Variants in NPEPL1 observed in about 807,000 individuals in gnomAD.
NPEPL1 encodes the protein probable aminopeptidase NPEPL1.
NPEPL1 carries 45 observed loss-of-function variants against 52.4 expected under a neutral mutation model. The observed-to-expected ratio is 0.86, with a 90% CI of 0.68 to 1.10. The LOEUF (loss-of-function observed/expected upper bound fraction) is 1.10, where lower values mean the gene tolerates loss of function less well. Ranked by LOEUF, NPEPL1 falls within the 50% of genes least tolerant of loss-of-function variation. The pLI, the probability that NPEPL1 is intolerant of heterozygous loss-of-function variation, is 0.00. For synonymous variants in NPEPL1, 360 were observed against 314.7 expected, an observed-to-expected ratio of 1.14 and a Z score of -1.52; for missense variants, 696 against 710.9, an observed-to-expected ratio of 0.98 and a Z score of 0.24.
chr20:58,694,288 G>A (rs1300679821), intron 2 of NPEPL1, 134 bp from the exon 3 acceptor site: 16 of 877,796 alleles, frequency 1.8e-5, no homozygotes, highest in Admixed American at 5.4e-5. Flanking sequence ...ATGGGGTGGC[G>A]GCTGCTGTGG....
At position 58,699,289 on chromosome 20, in the gene NPEPL1, G is replaced by T; in HGVS notation, c.679+11G>T. ...CGAGAGGATTTGGAGGTGGGTGGGG[G>T]CTGCATCCCTGCAGCTCTTGGCCTC... On this transcript the variant is annotated intron_variant, in intron 5 of 11. Transcript: ENST00000356091. 1 of 1,598,132 alleles carries T rather than the reference G, an allele frequency of 6.3e-7. No homozygotes were observed. Among genetic ancestry groups the T allele is most frequent in the Non-Finnish European group, 8.5e-7 (1 of 1,171,640 alleles).
upstream of NPEPL1, chr20:58,691,630 TG>T: frequency 1.5e-6 from 1 of 660,468 alleles, no homozygotes; most frequent in Non-Finnish European, 2.6e-6. Context: ...GGGAGGTCAG[TG>T]GTGGAAAACC....
chr20:58,711,084 C>T (rs1216406243), intron 7 of NPEPL1: 84 of 107,388 alleles, frequency 7.8e-4, no homozygotes, highest in African/African-American at 4.1e-3. Context: ...CCTCCCCCCC[C>T]GCCTCCTCTC....
chr20:58,698,652 C>A (rs760828504), intron 3 of NPEPL1, 32 bp from the exon 4 acceptor site: 1 of 1,584,052 alleles, frequency 6.3e-7, no homozygotes, highest in East Asian at 2.2e-5. Context: ...TGCCTCCCAC[C>A]TGGTCCCCAG....
intron 6 of NPEPL1, among the ~76,000 whole-genome samples, chr20:58,702,199 C>T (rs1362456554): frequency 6.6e-6 from 1 of 152,250 alleles, no homozygotes; most frequent in East Asian, 1.9e-4. Context: ...CTCATCAAAG[C>T]CTGGATTTCC....
intron 5 of NPEPL1, among the ~76,000 whole-genome samples, 199 bp from the exon 6 acceptor site, chr20:58,700,817 T>C (rs1172589026): frequency 1.3e-5 from 2 of 152,222 alleles, no homozygotes; most frequent in Non-Finnish European, 2.9e-5. Context: ...AGAATTTGTT[T>C]GCAATCTCAG....
chr20:58,692,870 G>T lies in NPEPL1; in HGVS notation c.-31G>T. 1 of 1,012,422 alleles carries T rather than the reference G, an allele frequency of 9.9e-7. No homozygotes were observed. Among genetic ancestry groups the T allele is most frequent in the Non-Finnish European group, 1.2e-6 (1 of 847,612 alleles). 62.7% of individuals were successfully genotyped at this position (1,012,422 alleles called of 1,614,324 possible). ...GCCGAGCGGCGGGCCGGGCCGGGCCGGGCAGGGCCGGGGCGTGGGCCGGCA... is the reference window on the plus strand; with the variant it reads ...GCCGAGCGGCGGGCCGGGCCGGGCCTGGCAGGGCCGGGGCGTGGGCCGGCA... On this transcript the variant is annotated 5_prime_UTR_variant, in exon 1 of 12. Transcript: ENST00000356091. The surrounding 1 kb of genome is among the most constrained non-coding windows in gnomAD (Gnocchi z 5.7).
At chr20:58,701,224 G>C (rs867206139) in intron 6 of NPEPL1, 66 bp downstream of exon 6, 2 of 781,126 alleles carry the variant, frequency 2.6e-6, no homozygotes, top group Non-Finnish European at 3.3e-6. Flanking sequence ...TGCAGGGCCC[G>C]GCTCTCCCGG....
intron 7 of NPEPL1, among the ~76,000 whole-genome samples, chr20:58,710,465 C>G (rs1464156256): frequency 6.6e-6 from 1 of 151,904 alleles, no homozygotes; most frequent in East Asian, 1.9e-4. Flanking sequence ...GCCCTGGGCT[C>G]TGGGGGTGTT....
chr20:58,691,639 A>G, upstream of NPEPL1: 1 of 671,708 alleles, frequency 1.5e-6, no homozygotes, highest in Non-Finnish European at 2.5e-6. Flanking sequence ...GTGGTGGAAA[A>G]CCTCTCACAC....
chr20:58,694,974 AT>A, intron 3 of NPEPL1, among the ~76,000 whole-genome samples: 1 of 25,542 alleles, frequency 3.9e-5, no homozygotes, highest in Non-Finnish European at 8.8e-5. Context: ...GTGTATGTGC[AT>A]GTGTTGTATG....
chr20:58,709,476 G>A (rs541367627), intron 7 of NPEPL1, among the ~76,000 whole-genome samples: 15 of 152,292 alleles, frequency 9.8e-5, no homozygotes, highest in African/African-American at 2.6e-4. Context: ...ACAGGAAGTC[G>A]TCACCCCACA....
chr20:58,701,333 A>G (rs551562948), intron 6 of NPEPL1, among the ~76,000 whole-genome samples, 175 bp downstream of exon 6: 7 of 5,912 alleles, frequency 1.2e-3, no homozygotes, highest in Admixed American at 2.4e-3. Context: ...TGGGGTGGGG[A>G]GGGGAAGGTG....
rs755032854 is a variant in NPEPL1, at chr20:58,714,633, T to A, written c.1376T>A (p.Val459Asp). 3.1e-6 allele frequency: 5 copies of A among 1,595,644 alleles called. No homozygotes were observed. In the South Asian group the frequency reaches 5.7e-5, roughly 18 times the overall value. Reference protein sequence around the residue: ...ASHIGFDWPGVWVHLDIAAPV... With the variant: ...ASHIGFDWPGDWVHLDIAAPV... ...CACATCGGCTTCGACTGGCCCGGAG[T>A]CTGGGTCCACCTGGACATTGCTGCA... The change falls in exon 11 of 12, where the codon GTC (valine) becomes GAC (aspartate). Residue 459 changes from valine to aspartate, a missense_variant. Transcript: ENST00000356091.
At chr20:58,711,486 G>C (rs1358404284) in intron 7 of NPEPL1, 1 of 152,356 alleles carries the variant, frequency 6.6e-6, no homozygotes, top group Admixed American at 6.5e-5. Flanking sequence ...GTGGGAGCGG[G>C]GGACTTGGGG....
upstream of NPEPL1, among the ~76,000 whole-genome samples, chr20:58,690,691 C>T (rs2084330137): frequency 6.6e-6 from 1 of 152,210 alleles, no homozygotes; most frequent in African/African-American, 2.4e-5. Flanking sequence ...ACTAAGTGCT[C>T]AACAAATGTT....
rs746341892 is a variant in NPEPL1 at position 58,699,190 on chromosome 20, T to C, written c.598-7T>C. 22 of 1,587,976 alleles carry C rather than the reference T, an allele frequency of 1.4e-5. No homozygotes were observed. In the Admixed American group the frequency reaches 3.6e-4, roughly 26 times the overall value. ...TGTGCTGTTGTTTTTTCCATGAACA[T>C]GTCCAGGAGATTAACAAAGTTGGAA... On this transcript the variant is annotated splice_polypyrimidine_tract_variant and splice_region_variant and intron_variant, in intron 4 of 11. Coordinates refer to ENST00000356091, the MANE Select transcript of NPEPL1 (RefSeq NM_024663.4).
At position 58,698,720 on chromosome 20, in the gene NPEPL1, G is replaced by T. The variant is rs2084544063; in HGVS notation, c.544G>T (p.Ala182Ser). ...ANATDGVRLA[A>S]RIVDTPCNEM... ...TGCCACAGACGGCGTGCGGCTAGCA[G>T]CCCGCATCGTGGACACACCCTGCAA... The change falls in exon 4 of 12, where the codon GCC becomes TCC. Residue 182 changes from alanine (A) to serine (S), a missense_variant. By Grantham distance (99) the Ala-to-Ser change is moderately conservative. Coordinates refer to ENST00000356091, the MANE Select transcript of NPEPL1 (RefSeq NM_024663.4). 6.2e-7 allele frequency: 1 copy of T among 1,612,756 alleles called. No individual in the cohort carries two copies. Among genetic ancestry groups the T allele is most frequent in the African/African-American group, 1.3e-5 (1 of 74,930 alleles).
intron 7 of NPEPL1, among the ~76,000 whole-genome samples, chr20:58,709,704 A>G (rs911775258): frequency 1.3e-5 from 2 of 152,232 alleles, no homozygotes; most frequent in African/African-American, 4.8e-5. Context: ...GGAAGGACAG[A>G]GCATTTCTGC....
Sources: gnomAD v4.1 joint callset for allele counts (sites outside exome capture counted in the v4.1 genomes callset) on GRCh38, gnomAD v4.1.1 for gene constraint, Gnocchi (gnomAD v3.1) non-coding constraint, MANE v1.5 for transcripts, NCBI Gene and HGNC (gene_info 2026-07-23, HGNC 2026-07-21) for gene names.